The following CX3CL1 variants were observed in gnomAD, a reference collection of about 807,000 sequenced individuals.
CX3CL1 encodes fractalkine.
CX3CL1 carries 1 observed loss-of-function variant against 14.1 expected under a neutral mutation model. The observed-to-expected ratio is 0.07, with a 90% CI of 0.03 to 0.34. The LOEUF is 0.34. Ranked by LOEUF, CX3CL1 falls within the 10% of genes least tolerant of loss-of-function variation. The pLI, the probability that CX3CL1 is intolerant of heterozygous loss-of-function variation, is 0.99. For synonymous variants in CX3CL1, 255 were observed against 229.6 expected (o/e 1.11, Z -1.00); for missense variants, 505 against 536.4 (o/e 0.94, Z 0.58).
rs370435863 is a variant in CX3CL1, at chr16:57,382,258, G to T, written c.420G>T (p.Pro140=). ...EATGESSSLE[P]TPSSQEAQRA... ...CAGGCGAAAGCAGTAGCCTGGAGCCGACTCCTTCTTCCCAGGAAGCACAGA... is the reference window on the plus strand; with the variant it reads ...CAGGCGAAAGCAGTAGCCTGGAGCCTACTCCTTCTTCCCAGGAAGCACAGA... The change falls in exon 3 of 3, where the codon CCG becomes CCT. Residue 140 remains proline (P), a synonymous_variant. Transcript: ENST00000006053. This position sits in a 1 kb window ranked among gnomAD's most constrained non-coding sequence, Gnocchi z 6.9. The T allele has an allele frequency of 5.6e-6, 9 of 1,609,392 alleles. No homozygotes were observed. In the East Asian group the frequency reaches 1.1e-4, roughly 20 times the overall value.
intron 1 of CX3CL1, among the ~76,000 whole-genome samples, chr16:57,374,494 G>A (rs746118175): frequency 2.0e-5 from 3 of 152,122 alleles, no homozygotes; most frequent in African/African-American, 4.8e-5. Context: ...TAGCCTACCC[G>A]CCTCATTAGC....
Position 57,382,482 on chromosome 16 carries a change from C to G in CX3CL1, c.644C>G (p.Thr215Ser). The stretch of plus-strand genomic sequence containing the variant: ...CCCAGCCTCTGGGCTGAGGCAAAGA[C>G]CTCTGAGGCCCCGTCCACCCAGGAC... ...PGPSLWAEAK[T>S]SEAPSTQDPS... Residue 215 changes from threonine (T) to serine (S), a missense_variant, in exon 3 of 3, where the codon ACC becomes AGC. Physicochemically the swap from Thr to Ser is moderately conservative, Grantham distance 58. Transcript: ENST00000006053. This position sits in a 1 kb window ranked among gnomAD's most constrained non-coding sequence, Gnocchi z 6.9. 6.2e-7 allele frequency: 1 copy of G among 1,612,642 alleles called. No homozygotes were observed. Among genetic ancestry groups the G allele is most frequent in the South Asian group, 1.1e-5 (1 of 90,950 alleles).
intron 2 of CX3CL1, 103 bp downstream of exon 2, chr16:57,379,857 C>T (rs1173184380): frequency 2.1e-6 from 3 of 1,423,936 alleles, no homozygotes; most frequent in East Asian, 4.6e-5. Context: ...GACCTGGGCT[C>T]CCAGCCAAAG....
rs1388134842 is a variant in CX3CL1, at chr16:57,382,174, C to A, written c.336C>A (p.Pro112=). ...AGAAGCAGATCGGCGAGGTGAAGCC[C>A]AGGACCACCCCTGCCGCCGGGGGAA... ...TFEKQIGEVK[P]RTTPAAGGMD... is the part of the protein sequence containing the mutation. Residue 112 remains proline, a synonymous_variant, in exon 3 of 3, where the codon CCC becomes CCA. Transcript: ENST00000006053. The surrounding 1 kb of genome is among the most constrained non-coding windows in gnomAD (Gnocchi z 6.9). 1 of 1,613,588 alleles carries A rather than the reference C, an allele frequency of 6.2e-7. No individual in the cohort carries two copies. Among genetic ancestry groups the A allele is most frequent in the Non-Finnish European group, 8.5e-7 (1 of 1,179,940 alleles).
Position 57,382,612 on chromosome 16 carries a change from C to A in CX3CL1, c.774C>A (p.Asn258Lys), listed in dbSNP as rs758722276. 31 of 1,613,854 alleles carry A rather than the reference C, an allele frequency of 1.9e-5. No individual in the cohort carries two copies. The highest frequency in any genetic ancestry group is 1.7e-4 in the Admixed American group (10 of 59,996). The change falls in exon 3 of 3, where the codon AAC becomes AAA. Residue 258 changes from asparagine (N) to lysine (K), a missense_variant. By Grantham distance (94) the Asn-to-Lys change is moderately conservative. Transcript: ENST00000006053. This position sits in a 1 kb window ranked among gnomAD's most constrained non-coding sequence, Gnocchi z 6.9. ...WGQGQSPRPE[N>K]SLEREEMGPV... ...AGGGACAGAGCCCCAGGCCAGAGAA[C>A]TCTCTGGAGCGGGAGGAGATGGGTC...
In CX3CL1 at chr16:57,384,624, C is replaced by T. The variant is rs1282177137; in HGVS notation, c.*1592C>T. The T allele has an allele frequency of 1.3e-5, 2 of 152,500 alleles. No homozygotes were observed. Among genetic ancestry groups the T allele is most frequent in the Non-Finnish European group, 2.9e-5 (2 of 68,258 alleles). The allele number at this position is 152,500 out of a possible 1,614,324, so 9.4% of individuals were successfully genotyped here. A position where few individuals can be genotyped will look rare whatever the true frequency, so the allele number is the denominator to read the frequency against. On this transcript the variant is annotated 3_prime_UTR_variant, in exon 3 of 3. Coordinates refer to ENST00000006053, the MANE Select transcript of CX3CL1 (RefSeq NM_002996.6). ...GGGTGCTTGGAGGAAGGAAACCCAG[C>T]TCTGGTCCATAGAGAGCAAGACGCT...
rs765020765 is a variant in CX3CL1, at chr16:57,382,040, A to C, written c.202A>C (p.Arg68=). The C allele has an allele frequency of 2.5e-6, 4 of 1,583,236 alleles. No individual in the cohort carries two copies. In the East Asian group the frequency reaches 9.0e-5, roughly 36 times the overall value. ...CGKRAIILET[R]QHRLFCADPK... ...CTTCCTCCCTTGTAGCTTGGAGACG[A>C]GACAGCACAGGCTGTTCTGTGCCGA... The change falls in exon 3 of 3, where the codon AGA becomes CGA. Residue 68 remains arginine (R), a synonymous_variant. Coordinates refer to ENST00000006053, the MANE Select transcript of CX3CL1 (RefSeq NM_002996.6). This position sits in a 1 kb window ranked among gnomAD's most constrained non-coding sequence, Gnocchi z 6.9.
chr16:57,381,644 G>A (rs1902320796), intron 2 of CX3CL1, among the ~76,000 whole-genome samples: 1 of 152,096 alleles, frequency 6.6e-6, no homozygotes, highest in Non-Finnish European at 1.5e-5. Flanking sequence ...GATCTACTCT[G>A]AGCTGGGTGC....
chr16:57,382,351 G>C lies in CX3CL1; in HGVS notation c.513G>C (p.Pro171=). 1 of 1,608,806 alleles carries C rather than the reference G, an allele frequency of 6.2e-7. No individual in the cohort carries two copies. The highest frequency in any genetic ancestry group is 8.5e-7 in the Non-Finnish European group (1 of 1,179,034). Reference sequence around the variant, plus strand: ...GTTCCTCAGGGACCAGGCTCCCCCCGACGCCAAAGGCTCAGGATGGAGGGC... The same window carrying C: ...GTTCCTCAGGGACCAGGCTCCCCCCCACGCCAAAGGCTCAGGATGGAGGGC... The part of the protein sequence containing the change: ...VTGSSGTRLP[P]TPKAQDGGPV... Residue 171 remains proline (P), a synonymous_variant, in exon 3 of 3, where the codon CCG becomes CCC. Coordinates refer to ENST00000006053, the MANE Select transcript of CX3CL1 (RefSeq NM_002996.6). The surrounding 1 kb of genome is among the most constrained non-coding windows in gnomAD (Gnocchi z 6.9).
rs1396591242 is a variant in CX3CL1 at position 57,382,297 on chromosome 16, C to T, written c.459C>T (p.Thr153=). The part of the protein sequence containing the change: ...SSQEAQRALG[T]SPELPTGVTG... ...AGGAAGCACAGAGGGCCCTGGGGAC[C>T]TCCCCAGAGCTGCCGACGGGCGTGA... Residue 153 remains threonine, a synonymous_variant, in exon 3 of 3, where the codon ACC becomes ACT. Transcript: ENST00000006053. This position sits in a 1 kb window ranked among gnomAD's most constrained non-coding sequence, Gnocchi z 6.9. The T allele has an allele frequency of 2.5e-6, 4 of 1,603,480 alleles. No homozygotes were observed. Among genetic ancestry groups the T allele is most frequent in the South Asian group, 2.2e-5 (2 of 90,534 alleles).
chr16:57,382,768 G>T lies in CX3CL1; in HGVS notation c.930G>T (p.Lys310Asn). 1 of 1,611,114 alleles carries T rather than the reference G, an allele frequency of 6.2e-7. No homozygotes were observed. The highest frequency in any genetic ancestry group is 8.5e-7 in the Non-Finnish European group (1 of 1,179,448). ...EPVASGSWTP[K>N]AEEPIHATMD... is the part of the protein sequence containing the mutation. Reference sequence around the variant, plus strand: ...TGGCTTCAGGCAGCTGGACCCCTAAGGCTGAGGAACCCATCCATGCCACCA... The same window carrying T: ...TGGCTTCAGGCAGCTGGACCCCTAATGCTGAGGAACCCATCCATGCCACCA... The change falls in exon 3 of 3, where the codon AAG (lysine) becomes AAT (asparagine). Residue 310 changes from lysine (K) to asparagine (N), a missense_variant. Lys to Asn is a moderately conservative substitution (Grantham distance 94). Transcript: ENST00000006053. This position sits in a 1 kb window ranked among gnomAD's most constrained non-coding sequence, Gnocchi z 6.9.
rs1256790395 is a variant in CX3CL1 at position 57,382,316 on chromosome 16, G to A, written c.478G>A (p.Gly160Ser). ...ALGTSPELPT[G>S]VTGSSGTRLP... ...GGGGACCTCCCCAGAGCTGCCGACG[G>A]GCGTGACTGGTTCCTCAGGGACCAG... The change falls in exon 3 of 3, where the codon GGC becomes AGC. Residue 160 changes from glycine to serine, a missense_variant. Transcript: ENST00000006053. The surrounding 1 kb of genome is among the most constrained non-coding windows in gnomAD (Gnocchi z 6.9). The A allele has an allele frequency of 8.1e-6, 13 of 1,603,740 alleles. No individual in the cohort carries two copies. The highest frequency in any genetic ancestry group is 1.1e-5 in the Non-Finnish European group (13 of 1,175,630).
At chr16:57,373,818 T>C (rs982360663) in intron 1 of CX3CL1, among the ~76,000 whole-genome samples, 3 of 152,184 alleles carry the variant, frequency 2.0e-5, no homozygotes, top group African/African-American at 7.2e-5. Flanking sequence ...TCTTGCCTCC[T>C]CTGGTCCCAG....
At chr16:57,379,904 G>T in intron 2 of CX3CL1, 150 bp downstream of exon 2, 1 of 904,264 alleles carries the variant, frequency 1.1e-6, no homozygotes, top group Non-Finnish European at 1.7e-6. Flanking sequence ...TGGCCTGCAG[G>T]CCACCTCACT....
chr16:57,380,082 A>G (rs866382322), intron 2 of CX3CL1, among the ~76,000 whole-genome samples: 2 of 152,084 alleles, frequency 1.3e-5, no homozygotes, highest in African/African-American at 4.8e-5. Flanking sequence ...ACTATATTTC[A>G]TGGGGCGGTG....
At position 57,379,662 on chromosome 16, in the gene CX3CL1, C is replaced by T. The variant is rs369341760; in HGVS notation, c.99C>T (p.Asn33=). ...AGCACCACGGTGTGACGAAATGCAA[C>T]ATCACGTGCAGCAAGATGACATCAA... ...AGQHHGVTKC[N]ITCSKMTSKI... is the part of the protein sequence containing the mutation. Residue 33 remains asparagine (N), a synonymous_variant, in exon 2 of 3, where the codon AAC becomes AAT. Coordinates refer to ENST00000006053, the MANE Select transcript of CX3CL1 (RefSeq NM_002996.6). 3 of 1,614,098 alleles carry T rather than the reference C, an allele frequency of 1.9e-6. No individual in the cohort carries two copies. The highest frequency in any genetic ancestry group is 1.3e-5 in the African/African-American group (1 of 74,936).
intron 1 of CX3CL1, among the ~76,000 whole-genome samples, chr16:57,374,463 C>T (rs1360009607): frequency 6.6e-6 from 1 of 151,944 alleles, no homozygotes. Context: ...GAAAAAAAAA[C>T]GAATCTGTTT....
chr16:57,372,507 C>T lies in CX3CL1; in HGVS notation c.-62C>T, dbSNP rs1434624888. The stretch of plus-strand genomic sequence containing the variant: ...GCGGCGGCAAGGGGACAGCACTGAG[C>T]TCTGCCGCCTGGCTCTAGCCGCCTG... On this transcript the variant is annotated 5_prime_UTR_variant, in exon 1 of 3. Transcript: ENST00000006053. 3.3e-6 allele frequency: 5 copies of T among 1,516,330 alleles called. No homozygotes were observed. In the Admixed American group the frequency reaches 5.1e-5, roughly 15 times the overall value. The allele number at this position is 1,516,330 out of a possible 1,614,324, so 93.9% of individuals were successfully genotyped here.
intron 1 of CX3CL1, among the ~76,000 whole-genome samples, chr16:57,373,512 GCCC>G (rs1902206656): frequency 1.3e-5 from 2 of 152,330 alleles, no homozygotes; most frequent in African/African-American, 2.4e-5. Context: ...CTCAGGGAGT[GCCC>G]CCACCATCTG....
Sources: allele counts gnomAD v4.1 joint callset (sites outside exome capture counted in the v4.1 genomes callset), GRCh38; gene constraint gnomAD v4.1.1; non-coding constraint Gnocchi (gnomAD v3.1); transcripts MANE v1.5; gene names NCBI Gene and HGNC (gene_info 2026-07-23, HGNC 2026-07-21).